The following DMD variants were observed in gnomAD, a reference collection of about 807,000 sequenced individuals.
The protein encoded by DMD is mutant dystrophin.
DMD carries 63 observed loss-of-function variants against 330.1 expected under a neutral mutation model. The observed-to-expected ratio is 0.19, with a 90% CI of 0.16 to 0.24. DMD has a LOEUF of 0.24. DMD is among the 10% of genes least tolerant of loss of function. The probability of loss-of-function intolerance (pLI) is 1.00; values close to 1 mark genes in which losing one functional copy is unlikely to be tolerated. For missense variants in DMD, 3,344 were observed against 2,684.1 expected (o/e 1.25, Z -5.43); for synonymous variants, 1,223 against 959.8 (o/e 1.27, Z -5.07).
chrX:32,101,428 A>G (rs1325963810), intron 44 of DMD, among the ~76,000 whole-genome samples: 1 of 111,628 alleles, frequency 9.0e-6, no homozygotes, highest in Non-Finnish European at 1.9e-5. Flanking sequence ...TTAGAACTAT[A>G]ACACACCCTC....
At chrX:33,091,163 G>A (rs1024396513) in intron 1 of DMD, among the ~76,000 whole-genome samples, 3 of 110,901 alleles carry the variant, frequency 2.7e-5, no homozygotes, top group South Asian at 3.8e-4. Flanking sequence ...CACATTTATG[G>A]GAATATATGA....
chrX:31,178,029 T>A (rs1013707984), intron 70 of DMD, 59 bp from the exon 71 acceptor site: 5 of 1,133,886 alleles, frequency 4.4e-6, no homozygotes, highest in Admixed American at 2.3e-5. Flanking sequence ...CGCAAAAAAA[T>A]TTACTGAAAG....
intron 2 of DMD, among the ~76,000 whole-genome samples, chrX:32,944,725 C>A (rs990763072): frequency 3.7e-5 from 4 of 109,325 alleles, no homozygotes; most frequent in Non-Finnish European, 7.6e-5. Flanking sequence ...CTGCCGCAGC[C>A]TCCCGAGTAG....
chrX:31,174,440 A>T (rs1255317396), intron 71 of DMD, among the ~76,000 whole-genome samples: 1 of 111,654 alleles, frequency 9.0e-6, no homozygotes, highest in Non-Finnish European at 1.9e-5. Flanking sequence ...TGATCTATTA[A>T]TTATCCTTGA....
intron 9 of DMD, among the ~76,000 whole-genome samples, chrX:32,684,579 C>T (rs1307791707): frequency 1.8e-5 from 2 of 111,501 alleles, no homozygotes; most frequent in Non-Finnish European, 3.8e-5. Flanking sequence ...CTGTCATAAG[C>T]CCTCTTACAA....
chrX:31,458,514 CAAAAAAAA>C (rs199537077), intron 59 of DMD, among the ~76,000 whole-genome samples: 2 of 53,399 alleles, frequency 3.7e-5, no homozygotes, highest in African/African-American at 6.0e-5. Context: ...ATGTGATTTC[CAAAAAAAA>C]AAAAAAAAAA....
intron 61 of DMD, among the ~76,000 whole-genome samples, chrX:31,347,001 C>CAAAAAAAAAAAAAAAAAAA: frequency 1.0e-4 from 1 of 9,639 alleles, no homozygotes; most frequent in Non-Finnish European, 1.7e-4. Flanking sequence ...GGCTCCCTCT[C>CAAAAAAAAAAAAAAAAAAA]AAAAAAAAAA....
intron 42 of DMD, among the ~76,000 whole-genome samples, chrX:32,308,428 C>T (rs1233385992): frequency 9.1e-6 from 1 of 110,431 alleles, no homozygotes; most frequent in East Asian, 2.9e-4. Flanking sequence ...ATGATGAATG[C>T]CTTTAACAGG....
At chrX:33,006,525 T>C (rs985650594) in intron 2 of DMD, among the ~76,000 whole-genome samples, 2 of 111,529 alleles carry the variant, frequency 1.8e-5, no homozygotes, top group Admixed American at 9.5e-5. Context: ...CTGAAACAAC[T>C]GGACATCTAC....
intron 47 of DMD, among the ~76,000 whole-genome samples, chrX:31,881,290 C>T (rs946085395): frequency 1.8e-5 from 2 of 109,608 alleles, no homozygotes; most frequent in African/African-American, 6.6e-5. Flanking sequence ...CGGTGGCTCA[C>T]GCCTGTAATC....
intron 2 of DMD, among the ~76,000 whole-genome samples, chrX:32,948,814 C>T (rs372042054): frequency 9.0e-6 from 1 of 111,504 alleles, no homozygotes; most frequent in African/African-American, 3.3e-5. Context: ...TTAAGCAGAG[C>T]AATAATATTT....
At chrX:31,739,472 TGTTTCA>T (rs2087131133) in intron 51 of DMD, among the ~76,000 whole-genome samples, 1 of 111,532 alleles carries the variant, frequency 9.0e-6, no homozygotes, top group African/African-American at 3.3e-5. Context: ...TTTGTAGTAA[TGTTTCA>T]ATTTGTTGAT....
chrX:31,775,278 C>A (rs2090588686), intron 50 of DMD, among the ~76,000 whole-genome samples: 1 of 111,058 alleles, frequency 9.0e-6, no homozygotes, highest in Non-Finnish European at 1.9e-5. Context: ...AGTAGGTGAT[C>A]AATAGTGTTA....
upstream of DMD, among the ~76,000 whole-genome samples, chrX:33,212,120 C>T (rs1214950428): frequency 8.9e-6 from 1 of 112,395 alleles, no homozygotes; most frequent in Non-Finnish European, 1.9e-5. Context: ...GTGTATAGGT[C>T]TCATGGGACA....
intron 44 of DMD, among the ~76,000 whole-genome samples, chrX:31,981,199 T>A (rs931125979): frequency 3.6e-5 from 4 of 111,847 alleles, no homozygotes; most frequent in African/African-American, 1.3e-4. Flanking sequence ...GTGGCATCTG[T>A]CTTTCAGGAA....
chrX:32,388,532 C>T (rs1177189823), intron 32 of DMD, among the ~76,000 whole-genome samples: 1 of 108,804 alleles, frequency 9.2e-6, no homozygotes, highest in Admixed American at 1.0e-4. Flanking sequence ...AATAAGAATA[C>T]CTCATATTTT....
intron 13 of DMD, among the ~76,000 whole-genome samples, chrX:32,576,324 T>C (rs1279212513): frequency 9.0e-6 from 1 of 111,538 alleles, no homozygotes; most frequent in Non-Finnish European, 1.9e-5. Flanking sequence ...TTTTCTTGCC[T>C]TATTAAGTTG....
chrX:32,619,812 C>T (rs1232503550), intron 11 of DMD, among the ~76,000 whole-genome samples: 2 of 111,298 alleles, frequency 1.8e-5, no homozygotes, highest in Admixed American at 9.6e-5. Context: ...ACAACAAAGA[C>T]AACTGACCTA....
intron 2 of DMD, among the ~76,000 whole-genome samples, chrX:32,910,781 A>G (rs1423996208): frequency 8.9e-6 from 1 of 112,034 alleles, no homozygotes; most frequent in African/African-American, 3.2e-5. Context: ...ATATCTTTTT[A>G]CTGTTACAGT....
Sources: allele counts gnomAD v4.1 joint callset (sites outside exome capture counted in the v4.1 genomes callset), GRCh38; gene constraint gnomAD v4.1.1; transcripts MANE v1.5; gene names NCBI Gene and HGNC (gene_info 2026-07-23, HGNC 2026-07-21).